The following DBT variants were observed in gnomAD, a reference collection of about 807,000 sequenced individuals.
DBT encodes the protein lipoamide acyltransferase component of branched-chain alpha-keto acid dehydrogenase complex, mitochondrial.
In DBT, 40 loss-of-function variants were observed where a neutral mutation model predicts 51.3. The ratio of observed to expected loss-of-function variants is 0.78; its 90% CI spans 0.61 to 1.02. The LOEUF (loss-of-function observed/expected upper bound fraction) is 1.02, where lower values mean the gene tolerates loss of function less well. DBT is among the 50% of genes least tolerant of loss of function. DBT has a pLI of 0.00. For missense variants in DBT, 510 were observed against 580.2 expected, an observed-to-expected ratio of 0.88 and a Z score of 1.24; for synonymous variants, 181 against 190.4, an observed-to-expected ratio of 0.95 and a Z score of 0.41.
chr1:100,242,175 C>CT (rs1462005218), intron 1 of DBT, among the ~76,000 whole-genome samples: 9 of 151,774 alleles, frequency 5.9e-5, no homozygotes, highest in African/African-American at 2.2e-4. Flanking sequence ...ATAAGTGAAA[C>CT]TTTTTCATGT....
rs188705083 is a variant in DBT at position 100,243,456 on chromosome 1, A to G, written c.52-2572T>C. On this transcript the variant is annotated intron_variant, in intron 1 of 10. Transcript: ENST00000370132. ...CAGCCTCCCAAGTAGCTGGGACTAC[A>G]GGCATGTGCCATCATGTCCAGCTAA... Among the ~76,000 whole-genome samples the G allele has an allele frequency of 1.6e-3, 248 of 151,862 alleles. 3 individuals carry two copies. The highest frequency in any genetic ancestry group is 5.8e-3 in the African/African-American group (240 of 41,484).
chr1:100,215,032 T>A, intron 6 of DBT, 49 bp from the exon 7 acceptor site: 1 of 1,247,462 alleles, frequency 8.0e-7, no homozygotes, highest in Non-Finnish European at 1.1e-6. Flanking sequence ...TCAAATCTCT[T>A]CATCCTTTTT....
intron 4 of DBT, among the ~76,000 whole-genome samples, chr1:100,225,457 A>G (rs1663137039): frequency 6.6e-6 from 1 of 152,170 alleles, no homozygotes; most frequent in South Asian, 2.1e-4. Context: ...CACAAAATGT[A>G]CTGTGATTTT....
At chr1:100,205,259 G>GA (rs1184739678) in intron 10 of DBT, among the ~76,000 whole-genome samples, 1 of 151,768 alleles carries the variant, frequency 6.6e-6, no homozygotes, top group East Asian at 1.9e-4. Context: ...AAATTTACAA[G>GA]AAAAAAACAA....
intron 8 of DBT, among the ~76,000 whole-genome samples, chr1:100,207,907 C>T (rs910826924): frequency 4.6e-5 from 7 of 151,762 alleles, no homozygotes; most frequent in African/African-American, 1.7e-4. Flanking sequence ...CCGAGGCGGG[C>T]GGATCACGAG....
At chr1:100,224,436 A>T (rs1246009352) in intron 4 of DBT, among the ~76,000 whole-genome samples, 1 of 152,240 alleles carries the variant, frequency 6.6e-6, no homozygotes, top group Non-Finnish European at 1.5e-5. Flanking sequence ...CTTATTTGAT[A>T]CATGGGCTTA....
intron 10 of DBT, 34 bp from the exon 11 acceptor site, chr1:100,196,456 A>C (rs879004807): frequency 2.0e-6 from 3 of 1,468,058 alleles, no homozygotes; most frequent in South Asian, 1.2e-5. Flanking sequence ...AAAAAAAAAA[A>C]AAAGAACAAA....
At chr1:100,244,220 C>A (rs548170981) in intron 1 of DBT, among the ~76,000 whole-genome samples, 1 of 151,998 alleles carries the variant, frequency 6.6e-6, no homozygotes, top group African/African-American at 2.4e-5. Flanking sequence ...ACTTTTAAGG[C>A]AGAGGAAACA....
intron 3 of DBT, among the ~76,000 whole-genome samples, chr1:100,231,861 G>A (rs1663570922): frequency 6.6e-6 from 1 of 152,154 alleles, no homozygotes; most frequent in South Asian, 2.1e-4. Context: ...ATTTTAACTT[G>A]CCCAATTTCC....
At chr1:100,210,307 C>CAATAATAAT (rs570807971) in intron 8 of DBT, among the ~76,000 whole-genome samples, 2 of 70,132 alleles carry the variant, frequency 2.9e-5, no homozygotes, top group East Asian at 6.8e-4. Flanking sequence ...GAGACTCTGC[C>CAATAATAAT]AATAATAATA....
chr1:100,229,165 C>CT (rs1280148428), intron 4 of DBT, among the ~76,000 whole-genome samples: 1 of 151,876 alleles, frequency 6.6e-6, no homozygotes, highest in Non-Finnish European at 1.5e-5. Flanking sequence ...TCCAACCTTT[C>CT]TTTTTTTTCC....
chr1:100,248,293 G>A (rs947886031), intron 1 of DBT, among the ~76,000 whole-genome samples: 4 of 152,128 alleles, frequency 2.6e-5, no homozygotes, highest in Non-Finnish European at 5.9e-5. Flanking sequence ...GGGAAATGAC[G>A]ACATTGATAA....
chr1:100,226,010 CAAA>C (rs1280179202), intron 4 of DBT, among the ~76,000 whole-genome samples: 1 of 151,922 alleles, frequency 6.6e-6, no homozygotes, highest in Non-Finnish European at 1.5e-5. Context: ...CAAAACAAAA[CAAA>C]ACAAATAACA....
chr1:100,238,395 C>G (rs1039942744), intron 2 of DBT, among the ~76,000 whole-genome samples: 1 of 107,164 alleles, frequency 9.3e-6, no homozygotes, highest in South Asian at 4.0e-4. Flanking sequence ...TCCCTTCCTC[C>G]TCTTCCTCCT....
rs531183261 is a variant in DBT at position 100,247,642 on chromosome 1, T to C, written c.51+2128A>G. Among the ~76,000 whole-genome samples, 194 of 136,182 alleles carry C rather than the reference T, an allele frequency of 1.4e-3. 2 individuals are homozygous for C. The highest frequency in any genetic ancestry group is 5.2e-3 in the African/African-American group (190 of 36,318). The allele number at this position is 136,182 out of a possible 152,430, so 89.3% of individuals were successfully genotyped here. ...TGAACCCAGGAGGTGGAGGTTGCAGTAAGCCGAGATTGCACCACTGCACTC... is the reference window on the plus strand; with the variant it reads ...TGAACCCAGGAGGTGGAGGTTGCAGCAAGCCGAGATTGCACCACTGCACTC... On this transcript the variant is annotated intron_variant, in intron 1 of 10. Transcript: ENST00000370132.
At chr1:100,243,389 A>C (rs1418847259) in intron 1 of DBT, among the ~76,000 whole-genome samples, 1 of 149,934 alleles carries the variant, frequency 6.7e-6, no homozygotes, top group African/African-American at 2.5e-5. Context: ...ATCTCAGCTT[A>C]CTGCAACCTC....
At chr1:100,248,599 A>G (rs1664698863) in intron 1 of DBT, among the ~76,000 whole-genome samples, 1 of 152,232 alleles carries the variant, frequency 6.6e-6, no homozygotes, top group Admixed American at 6.5e-5. Context: ...AGAAAAAGCA[A>G]TATTTAAAAG....
At chr1:100,245,258 C>T (rs1383687477) in intron 1 of DBT, among the ~76,000 whole-genome samples, 4 of 151,054 alleles carry the variant, frequency 2.6e-5, no homozygotes, top group Admixed American at 2.6e-4. Flanking sequence ...CTTTTTTGCC[C>T]AGGATGGTCT....
At chr1:100,240,646 A>G (rs1341690015) in intron 2 of DBT, 115 bp downstream of exon 2, 2 of 840,106 alleles carry the variant, frequency 2.4e-6, no homozygotes. Context: ...GGGCCCGGCT[A>G]GAAATACAGA....
Sources: gnomAD v4.1 joint callset for allele counts (sites outside exome capture counted in the v4.1 genomes callset) on GRCh38, gnomAD v4.1.1 for gene constraint, MANE v1.5 for transcripts, NCBI Gene and HGNC (gene_info 2026-07-23, HGNC 2026-07-21) for gene names.